The following NCOR1 variants were observed in gnomAD, a reference collection of about 807,000 sequenced individuals.
NCOR1 encodes the protein protein phosphatase 1, regulatory subunit 109.
In NCOR1, 63 loss-of-function variants were observed where a neutral mutation model predicts 288.1. The ratio of observed to expected loss-of-function variants is 0.22; its 90% CI spans 0.18 to 0.27. The LOEUF (loss-of-function observed/expected upper bound fraction) is 0.27. NCOR1 is among the 10% of genes least tolerant of loss of function. The pLI is 1.00. For missense variants in NCOR1, 2,397 were observed against 3,019.2 expected (o/e 0.79, Z 4.83); for synonymous variants, 1,007 against 1,065.9 (o/e 0.94, Z 1.08).
intron 14 of NCOR1, among the ~76,000 whole-genome samples, chr17:16,127,780 T>C (rs2074976780): frequency 6.6e-6 from 1 of 150,710 alleles, no homozygotes; most frequent in Non-Finnish European, 1.5e-5. Context: ...TATATTAGGG[T>C]TCGGTACTAT....
intron 26 of NCOR1, among the ~76,000 whole-genome samples, chr17:16,078,222 G>A (rs1251148074): frequency 3.3e-5 from 5 of 152,148 alleles, no homozygotes; most frequent in Non-Finnish European, 1.5e-5. Flanking sequence ...CACATTTAGG[G>A]TCACCACTAT....
At chr17:16,203,808 A>C (rs2091167836) in intron 1 of NCOR1, among the ~76,000 whole-genome samples, 1 of 152,240 alleles carries the variant, frequency 6.6e-6, no homozygotes, top group Admixed American at 6.5e-5. Context: ...AAGTGTGAAA[A>C]TCTATTGAGG....
intron 1 of NCOR1, among the ~76,000 whole-genome samples, chr17:16,205,056 A>G (rs2091322615): frequency 6.6e-6 from 1 of 152,250 alleles, no homozygotes; most frequent in Non-Finnish European, 1.5e-5. Flanking sequence ...CCCCATCTGT[A>G]GTAAAAATAC....
At chr17:16,210,799 G>A (rs866009177) in intron 1 of NCOR1, among the ~76,000 whole-genome samples, 5 of 150,688 alleles carry the variant, frequency 3.3e-5, no homozygotes, top group African/African-American at 7.3e-5. Context: ...GCGCAATCTC[G>A]GCTTACTGCA....
intron 1 of NCOR1, among the ~76,000 whole-genome samples, chr17:16,211,394 T>C (rs1410345470): frequency 6.6e-6 from 1 of 151,960 alleles, no homozygotes; most frequent in African/African-American, 2.4e-5. Context: ...AAGCACACTC[T>C]GCTAATTTTT....
At chr17:16,207,085 A>G (rs998467247) in intron 1 of NCOR1, among the ~76,000 whole-genome samples, 1 of 152,192 alleles carries the variant, frequency 6.6e-6, no homozygotes, top group Non-Finnish European at 1.5e-5. Flanking sequence ...ATTTTAGGTT[A>G]TAACTCCTAG....
At chr17:16,111,620 A>G (rs529430684) in intron 18 of NCOR1, among the ~76,000 whole-genome samples, 9 of 151,556 alleles carry the variant, frequency 5.9e-5, no homozygotes, top group Non-Finnish European at 1.2e-4. Flanking sequence ...AAATTAAATA[A>G]AAATTAAAAT....
chr17:16,094,886 G>C (rs1178525344), intron 21 of NCOR1, among the ~76,000 whole-genome samples: 1 of 152,224 alleles, frequency 6.6e-6, no homozygotes, highest in Non-Finnish European at 1.5e-5. Context: ...GCCCAGGCTG[G>C]AGTGCAGTGG....
intron 1 of NCOR1, among the ~76,000 whole-genome samples, chr17:16,214,824 C>T (rs1402868088): frequency 1.3e-5 from 2 of 152,162 alleles, no homozygotes; most frequent in African/African-American, 2.4e-5. Flanking sequence ...GTATAGTGTT[C>T]GGATCTTTGC....
At chr17:16,046,251 G>A (rs948416080) in intron 42 of NCOR1, among the ~76,000 whole-genome samples, 3 of 152,178 alleles carry the variant, frequency 2.0e-5, no homozygotes, top group African/African-American at 4.8e-5. Flanking sequence ...GCTAGTTACT[G>A]TAAAAGTAGA....
intron 1 of NCOR1, among the ~76,000 whole-genome samples, chr17:16,195,202 T>G (rs1475607063): frequency 6.6e-6 from 1 of 152,190 alleles, no homozygotes; most frequent in African/African-American, 2.4e-5. Flanking sequence ...CCAGGAGCGG[T>G]GGCTACTCCT....
intron 42 of NCOR1, among the ~76,000 whole-genome samples, chr17:16,043,386 T>C (rs1597737883): frequency 6.6e-6 from 1 of 151,976 alleles, no homozygotes; most frequent in Non-Finnish European, 1.5e-5. Flanking sequence ...CTTTCCACCA[T>C]GAAAAATAGT....
At chr17:16,210,106 A>G (rs1439999329) in intron 1 of NCOR1, among the ~76,000 whole-genome samples, 2 of 151,916 alleles carry the variant, frequency 1.3e-5, no homozygotes, top group Admixed American at 1.3e-4. Context: ...TTTGTAGGCC[A>G]GGTGTGGTGG....
At position 16,092,645 on chromosome 17, in the gene NCOR1, A is replaced by ATT. The variant is rs1278701151; in HGVS notation, c.2821-589_2821-588dup. ...CTCTCTTTCACCAGGGATCAGATCC[A>ATT]TTTATATATATATATATATATATAT... is the stretch of plus-strand genomic sequence containing the variant. On this transcript the variant is annotated intron_variant, in intron 21 of 45. Coordinates refer to ENST00000268712, the MANE Select transcript of NCOR1 (RefSeq NM_006311.4). Among the ~76,000 whole-genome samples, 89 of 55,442 alleles carry ATT rather than the reference A, an allele frequency of 1.6e-3. 5 individuals are homozygous for ATT. Among genetic ancestry groups the ATT allele is most frequent in the African/African-American group, 6.4e-3 (76 of 11,932 alleles). The allele number at this position is 55,442 out of a possible 152,430, so 36.4% of individuals were successfully genotyped here. A position where few individuals can be genotyped will look rare whatever the true frequency, so the allele number is the denominator to read the frequency against.
intron 1 of NCOR1, among the ~76,000 whole-genome samples, chr17:16,208,860 T>C (rs1283808021): frequency 6.6e-6 from 1 of 152,040 alleles, no homozygotes; most frequent in Non-Finnish European, 1.5e-5. Flanking sequence ...AAAAGAAATA[T>C]TTTGATAATT....
intron 4 of NCOR1, among the ~76,000 whole-genome samples, chr17:16,170,002 T>C (rs1478784634): frequency 1.3e-5 from 2 of 152,162 alleles, no homozygotes; most frequent in Non-Finnish European, 2.9e-5. Flanking sequence ...CTTACTATTT[T>C]GAAAAATTTC....
rs554014466 is a variant in NCOR1, at chr17:16,214,589, A to G, written c.-71+773T>C. 4.3e-4 allele frequency among the ~76,000 whole-genome samples: 65 copies of G among 152,334 alleles called. 1 individual carries two copies. The East Asian group carries it at 0.011, about 25-fold the overall frequency. On this transcript the variant is annotated intron_variant, in intron 1 of 45. Coordinates refer to ENST00000268712, the MANE Select transcript of NCOR1 (RefSeq NM_006311.4). ...GAGGCACCGCAGCATGCAACATCAC[A>G]TAAAGAAAACTGACACTTCCTGAGC...
At chr17:16,076,693 T>C (rs1007146576) in intron 26 of NCOR1, among the ~76,000 whole-genome samples, 2 of 152,196 alleles carry the variant, frequency 1.3e-5, no homozygotes, top group Admixed American at 6.5e-5. Context: ...TGACATCCGA[T>C]GAAAAGTAGA....
chr17:16,094,689 C>T (rs192205569), intron 21 of NCOR1, among the ~76,000 whole-genome samples: 25 of 152,266 alleles, frequency 1.6e-4, no homozygotes, highest in African/African-American at 5.3e-4. Flanking sequence ...CTCAGCCTGC[C>T]GAGTGCCTGC....
Sources: allele counts gnomAD v4.1 joint callset (sites outside exome capture counted in the v4.1 genomes callset), GRCh38; gene constraint gnomAD v4.1.1; transcripts MANE v1.5; gene names NCBI Gene and HGNC (gene_info 2026-07-23, HGNC 2026-07-21).